The following FBXO15 variants were observed in gnomAD, a reference collection of about 807,000 sequenced individuals.
FBXO15 encodes F-box only protein 15.
Under a neutral mutation model 49.5 loss-of-function variants are expected in FBXO15, and 30 were observed. The ratio of observed to expected loss-of-function variants is 0.61; its 90% confidence interval spans 0.45 to 0.82. FBXO15 has a LOEUF of 0.82. FBXO15 is among the 40% of genes least tolerant of loss of function. FBXO15 has a pLI of 0.00. For missense variants in FBXO15, 591 were observed against 631.5 expected (o/e 0.94, Z 0.69); for synonymous variants, 250 against 232.7 (o/e 1.07, Z -0.68).
At chr18:74,082,133 A>T in intron 8 of FBXO15, 82 bp from the exon 9 acceptor site, 1 of 1,451,876 alleles carries the variant, frequency 6.9e-7, no homozygotes, top group Non-Finnish European at 9.4e-7. Flanking sequence ...CGACTTTATA[A>T]GGATACCTCA....
intron 8 of FBXO15, chr18:74,099,978 A>G (rs940705173): frequency 2.3e-4 from 35 of 152,222 alleles, no homozygotes; most frequent in African/African-American, 7.2e-4. Context: ...GGAAACTTCA[A>G]TACTCCACTG....
intron 2 of FBXO15, 51 bp downstream of exon 2, chr18:74,140,151 A>C: frequency 2.6e-5 from 38 of 1,449,380 alleles, no homozygotes; most frequent in Non-Finnish European, 3.1e-5. Context: ...TTTCTCTAAT[A>C]ACCCCATGCC....
chr18:74,095,270 G>A (rs562666019), intron 8 of FBXO15, among the ~76,000 whole-genome samples: 1 of 152,264 alleles, frequency 6.6e-6, no homozygotes, highest in Admixed American at 6.5e-5. Flanking sequence ...CTTTTCCTTT[G>A]TATTAATGAC....
In FBXO15 at chr18:74,140,279, A is replaced by G. The variant is rs1978986035; in HGVS notation, c.150T>C (p.Ser50=). The G allele has an allele frequency of 1.3e-6, 2 of 1,551,384 alleles. No individual in the cohort carries two copies. Among genetic ancestry groups the G allele is most frequent in the Non-Finnish European group, 1.7e-6 (2 of 1,146,930 alleles). ...CTCCGGCATGGCACCTCAGGGCAGC[A>G]GAGCCTGCAGAAAGCTTGACCCCTG... ...KGPGVKLSAG[S]AALRCHAGGG... Residue 50 remains serine (S), a synonymous_variant, in exon 2 of 10, where the codon TCT becomes TCC. Coordinates refer to ENST00000419743, the MANE Select transcript of FBXO15 (RefSeq NM_001142958.2).
chr18:74,079,617 A>G (rs1357656342), intron 9 of FBXO15, among the ~76,000 whole-genome samples: 1 of 152,238 alleles, frequency 6.6e-6, no homozygotes, highest in Non-Finnish European at 1.5e-5. Flanking sequence ...TAAAAAAAGA[A>G]TAAAAAACTG....
In FBXO15 at chr18:74,129,485, G is replaced by A; in HGVS notation, c.705C>T (p.Cys235=). Reference sequence around the variant, plus strand: ...AATCTAAGGTTGACAATGATGCTAGGCATGGCCATTTTTTGCCATACCATA... The same window carrying A: ...AATCTAAGGTTGACAATGATGCTAGACATGGCCATTTTTTGCCATACCATA... ...TVIWYGKKWP[C]LASLSTLDLC... is the part of the protein sequence containing the mutation. Residue 235 remains cysteine, a synonymous_variant, in exon 5 of 10, where the codon TGC becomes TGT. Coordinates refer to ENST00000419743, the MANE Select transcript of FBXO15 (RefSeq NM_001142958.2). The A allele has an allele frequency of 6.2e-7, 1 of 1,613,914 alleles. No homozygotes were observed. The highest frequency in any genetic ancestry group is 8.5e-7 in the Non-Finnish European group (1 of 1,179,950).
chr18:74,078,537 C>T (rs1912353304), intron 9 of FBXO15: 1 of 152,732 alleles, frequency 6.5e-6, no homozygotes, highest in Admixed American at 6.5e-5. Context: ...CCCATCCTGT[C>T]CGAAGCATCT....
intron 5 of FBXO15, 128 bp from the exon 6 acceptor site, chr18:74,126,229 C>G: frequency 7.8e-7 from 1 of 1,274,184 alleles, no homozygotes; most frequent in Non-Finnish European, 1.1e-6. Context: ...AACTAAGTGG[C>G]ATGTTGGCAG....
At chr18:74,118,362 T>A (rs1391179855) in intron 8 of FBXO15, among the ~76,000 whole-genome samples, 1 of 142,590 alleles carries the variant, frequency 7.0e-6, no homozygotes, top group Non-Finnish European at 1.5e-5. Context: ...ATTCAGAATG[T>A]TAATATTCCC....
At chr18:74,146,415 C>T (rs1420335336) in intron 1 of FBXO15, among the ~76,000 whole-genome samples, 2 of 152,010 alleles carry the variant, frequency 1.3e-5, no homozygotes, top group African/African-American at 4.8e-5. Context: ...AATGACAGGC[C>T]CTCTAATTAT....
At chr18:74,133,871 G>A (rs1317103436) in intron 3 of FBXO15, among the ~76,000 whole-genome samples, 1 of 152,184 alleles carries the variant, frequency 6.6e-6, no homozygotes, top group Non-Finnish European at 1.5e-5. Flanking sequence ...TACAAGGAAG[G>A]CACCAAGCCA....
chr18:74,079,043 A>G (rs1363780879), intron 9 of FBXO15, among the ~76,000 whole-genome samples: 1 of 152,196 alleles, frequency 6.6e-6, no homozygotes, highest in Non-Finnish European at 1.5e-5. Flanking sequence ...AGCTGTTCTT[A>G]CATAAAGCAG....
At chr18:74,105,435 T>A (rs1264847793) in intron 8 of FBXO15, among the ~76,000 whole-genome samples, 1 of 152,040 alleles carries the variant, frequency 6.6e-6, no homozygotes, top group Non-Finnish European at 1.5e-5. Context: ...TTTAAAAAAA[T>A]TATTTCCCAA....
chr18:74,099,098 A>G (rs1192353270), intron 8 of FBXO15: 5 of 152,182 alleles, frequency 3.3e-5, no homozygotes, highest in Admixed American at 3.3e-4. Flanking sequence ...GCACTCCAGT[A>G]TGGGCAAAGA....
At chr18:74,085,546 T>A (rs1363678988) in intron 8 of FBXO15, among the ~76,000 whole-genome samples, 1 of 152,100 alleles carries the variant, frequency 6.6e-6, no homozygotes, top group Non-Finnish European at 1.5e-5. Flanking sequence ...TGAGCCGAGA[T>A]CGCACCACTG....
At chr18:74,078,234 C>T (rs1485600343) in intron 9 of FBXO15, among the ~76,000 whole-genome samples, 1 of 152,162 alleles carries the variant, frequency 6.6e-6, no homozygotes, top group Admixed American at 6.5e-5. Context: ...TCCCTCCTAA[C>T]CTAAAACATG....
intron 2 of FBXO15, among the ~76,000 whole-genome samples, chr18:74,137,440 A>T: frequency 6.6e-6 from 1 of 152,256 alleles, no homozygotes; most frequent in East Asian, 1.9e-4. Flanking sequence ...AAAAGTATCC[A>T]GCAACTACCA....
In FBXO15 at chr18:74,129,560, A is replaced by G; in HGVS notation, c.630T>C (p.Tyr210=). The part of the protein sequence containing the change: ...IILKEKGGKE[Y]IMEHVDLSIN... ...TGGAAAGATCAACATGCTCCATGAT[A>G]TATTCTTTTCCACCTTTTTCTTTCA... is the stretch of plus-strand genomic sequence containing the variant. Residue 210 remains tyrosine, a synonymous_variant, in exon 5 of 10, where the codon TAT becomes TAC. Transcript: ENST00000419743. The G allele has an allele frequency of 6.2e-7, 1 of 1,613,206 alleles. No individual in the cohort carries two copies. The highest frequency in any genetic ancestry group is 8.5e-7 in the Non-Finnish European group (1 of 1,179,932).
At position 74,129,457 on chromosome 18, in the gene FBXO15, ATAAATCTAAGGT is replaced by A; in HGVS notation, c.721_732del (p.Thr241_Leu244del). ...TCGGTAAAAACTGGTGTCATGCCAC[ATAAATCTAAGGT>A]TGACAATGATGCTAGGCATGGCCAT... On this transcript the variant is annotated inframe_deletion, in exon 5 of 10. Transcript: ENST00000419743. The A allele has an allele frequency of 3.7e-6, 6 of 1,614,044 alleles. No individual in the cohort carries two copies. The highest frequency in any genetic ancestry group is 5.1e-6 in the Non-Finnish European group (6 of 1,179,984).
Sources: allele counts gnomAD v4.1 joint callset (sites outside exome capture counted in the v4.1 genomes callset), GRCh38; gene constraint gnomAD v4.1.1; transcripts MANE v1.5; gene names NCBI Gene and HGNC (gene_info 2026-07-23, HGNC 2026-07-21).